Variants in KATNAL2 observed in about 807,000 individuals in gnomAD.
KATNAL2 encodes the protein katanin catalytic subunit A1 like 2.
In KATNAL2, 52 loss-of-function variants were observed where a neutral mutation model predicts 76.3. The observed-to-expected ratio is 0.68, with a 90% CI of 0.55 to 0.86. KATNAL2 has a LOEUF of 0.86. Ranked by LOEUF, KATNAL2 falls within the 40% of genes least tolerant of loss-of-function variation. The pLI is 0.00. For missense variants in KATNAL2, 660 were observed against 668.9 expected (o/e 0.99, Z 0.15); for synonymous variants, 243 against 244.2 (o/e 1.00, Z 0.05).
At chr18:47,054,584 C>G in intron 6 of KATNAL2, 146 bp downstream of exon 6, 3 of 744,548 alleles carry the variant, frequency 4.0e-6, no homozygotes, top group Non-Finnish European at 6.9e-6. Flanking sequence ...CAGGACTTCT[C>G]TCATTACAGC....
intron 15 of KATNAL2, among the ~76,000 whole-genome samples, chr18:47,088,160 A>G (rs1426938317): frequency 6.6e-6 from 1 of 152,206 alleles, no homozygotes; most frequent in Non-Finnish European, 1.5e-5. Flanking sequence ...TAGCGAGAGC[A>G]GGCTTGTCAT....
At chr18:47,077,330 T>A (rs377290023) in intron 14 of KATNAL2, 21 bp from the exon 15 acceptor site, 400 of 1,577,030 alleles carry the variant, frequency 2.5e-4, no homozygotes, top group Non-Finnish European at 5.1e-5. Flanking sequence ...CTTAGGAGAA[T>A]CACGTCTTGT....
chr18:46,944,384 AAC>A (rs1233249222), intron 1 of KATNAL2, among the ~76,000 whole-genome samples: 10 of 152,242 alleles, frequency 6.6e-5, no homozygotes, highest in Non-Finnish European at 1.5e-5. Context: ...AATGAGTATT[AAC>A]ACAGAGTTTA....
intron 15 of KATNAL2, among the ~76,000 whole-genome samples, chr18:47,096,336 T>A (rs1350449329): frequency 8.5e-5 from 13 of 152,168 alleles, no homozygotes; most frequent in Non-Finnish European, 8.8e-5. Flanking sequence ...TACTCTTTTT[T>A]AAAAAATATT....
In KATNAL2 at chr18:46,946,143, G is replaced by A; in HGVS notation, c.-423G>A. 1 of 823,936 alleles carries A rather than the reference G, an allele frequency of 1.2e-6. No homozygotes were observed. Among genetic ancestry groups the A allele is most frequent in the South Asian group, 5.2e-5 (1 of 19,364 alleles). The allele number at this position is 823,936 out of a possible 1,614,324, so 51.0% of individuals were successfully genotyped here. A position where few individuals can be genotyped will look rare whatever the true frequency, so the allele number is the denominator to read the frequency against. On this transcript the variant is annotated 5_prime_UTR_variant, in exon 2 of 18. Transcript: ENST00000683218. ...GAAGAAGACCGAAGATAATGATGAA[G>A]GGATAATTTGGAATAGGATTCACAG...
intron 1 of KATNAL2, among the ~76,000 whole-genome samples, chr18:46,935,101 C>A (rs1599354954): frequency 6.6e-6 from 1 of 151,778 alleles, no homozygotes; most frequent in Non-Finnish European, 1.5e-5. Flanking sequence ...GGAAACCTAC[C>A]AGAGCAACCA....
At chr18:46,939,919 A>C (rs988296409) in intron 1 of KATNAL2, among the ~76,000 whole-genome samples, 3 of 152,180 alleles carry the variant, frequency 2.0e-5, no homozygotes, top group African/African-American at 7.2e-5. Flanking sequence ...TTTTAAAACT[A>C]ACAGAGCTAA....
intron 1 of KATNAL2, among the ~76,000 whole-genome samples, chr18:46,944,499 G>A: frequency 6.6e-6 from 1 of 152,150 alleles, no homozygotes; most frequent in East Asian, 1.9e-4. Flanking sequence ...GGGAGGCCAA[G>A]GGGTGGGGGT....
rs1024953634 is a variant in KATNAL2 at position 47,033,305 on chromosome 18, T to C, written c.52-13152T>C. On this transcript the variant is annotated intron_variant, in intron 3 of 17. Coordinates refer to ENST00000683218, the MANE Select transcript of KATNAL2 (RefSeq NM_001387690.1). ...GCAGACTTCTCTTGCCTCCTTGAAGTATCATAAGGCGTCTTGGCCACAGAT... is the reference window on the plus strand; with the variant it reads ...GCAGACTTCTCTTGCCTCCTTGAAGCATCATAAGGCGTCTTGGCCACAGAT... 2 of 1,613,624 alleles carry C rather than the reference T, an allele frequency of 1.2e-6. No individual in the cohort carries two copies. The highest frequency in any genetic ancestry group is 8.5e-7 in the Non-Finnish European group (1 of 1,180,036).
intron 1 of KATNAL2, among the ~76,000 whole-genome samples, chr18:46,941,561 G>A (rs147443046): frequency 0.016 from 2,373 of 152,240 alleles, 25 homozygotes; most frequent in Non-Finnish European, 0.025. Context: ...ACAAATGGTA[G>A]GCTTGAGCTC....
chr18:46,918,395 C>G (rs1342817141), intron 1 of KATNAL2, among the ~76,000 whole-genome samples: 1 of 152,166 alleles, frequency 6.6e-6, no homozygotes, highest in African/African-American at 2.4e-5. Context: ...TCCCACTACC[C>G]CTCGTTTCAT....
chr18:46,921,843 C>T (rs952571202), intron 1 of KATNAL2, among the ~76,000 whole-genome samples: 1 of 152,254 alleles, frequency 6.6e-6, no homozygotes, highest in East Asian at 1.9e-4. Context: ...CCTTTCACAT[C>T]TGTCTCTGAA....
intron 13 of KATNAL2, among the ~76,000 whole-genome samples, chr18:47,072,910 A>G (rs2062056868): frequency 6.6e-6 from 1 of 152,166 alleles, no homozygotes. Flanking sequence ...GCCAAAACGT[A>G]TTTAACCAGT....
At chr18:46,925,177 G>A (rs2058690796) in intron 1 of KATNAL2, among the ~76,000 whole-genome samples, 1 of 152,128 alleles carries the variant, frequency 6.6e-6, no homozygotes, top group African/African-American at 2.4e-5. Context: ...CAAAGGGAAT[G>A]CTCCAGTTTT....
chr18:46,950,574 T>C (rs867413468), intron 3 of KATNAL2, among the ~76,000 whole-genome samples: 14 of 152,282 alleles, frequency 9.2e-5, no homozygotes, highest in Middle Eastern at 6.8e-3. Flanking sequence ...TTCAACAAAA[T>C]TTGAAAAAAA....
At chr18:46,933,893 T>A (rs1336556259) in intron 1 of KATNAL2, among the ~76,000 whole-genome samples, 1 of 147,258 alleles carries the variant, frequency 6.8e-6, no homozygotes, top group Non-Finnish European at 1.5e-5. Context: ...TGAGAACATG[T>A]GGTGTTTGGT....
chr18:46,946,780 C>A, intron 2 of KATNAL2, 74 bp from the exon 3 acceptor site: 3 of 1,336,708 alleles, frequency 2.2e-6, no homozygotes, highest in Middle Eastern at 2.5e-4. Flanking sequence ...CGGAAAGGGG[C>A]GGGCTGGTTA....
chr18:47,055,368 A>T (rs2061442152), intron 6 of KATNAL2, among the ~76,000 whole-genome samples: 1 of 152,194 alleles, frequency 6.6e-6, no homozygotes, highest in South Asian at 2.1e-4. Flanking sequence ...TTGTAATCAC[A>T]TGCAACTTAT....
intron 1 of KATNAL2, among the ~76,000 whole-genome samples, chr18:46,925,291 A>C (rs181232880): frequency 1.3e-5 from 2 of 152,300 alleles, no homozygotes; most frequent in African/African-American, 4.8e-5. Context: ...TTTAGCATGA[A>C]GTGTTGTTGA....
Sources: gnomAD v4.1 joint callset for allele counts (sites outside exome capture counted in the v4.1 genomes callset) on GRCh38, gnomAD v4.1.1 for gene constraint, MANE v1.5 for transcripts, NCBI Gene and HGNC (gene_info 2026-07-23, HGNC 2026-07-21) for gene names.